RAB11A: variants seen among roughly 807,000 people sequenced by gnomAD.
RAB11A encodes ras-related protein Rab-11A.
In RAB11A, 9 loss-of-function variants were observed where a neutral mutation model predicts 28.0. That is an observed-to-expected ratio of 0.32 (90% CI 0.19 to 0.56). The LOEUF (loss-of-function observed/expected upper bound fraction) is 0.56. Ranked by LOEUF, RAB11A falls within the 20% of genes least tolerant of loss-of-function variation. RAB11A has a pLI of 0.91. For missense variants in RAB11A, 108 were observed against 269.6 expected (o/e 0.40, Z 4.20); for synonymous variants, 85 against 88.2 (o/e 0.96, Z 0.20).
intron 3 of RAB11A, 167 bp downstream of exon 3, chr15:65,878,122 A>G (rs117465320): frequency 0.015 from 11,103 of 726,272 alleles, 130 homozygotes; most frequent in Non-Finnish European, 0.021. Context: ...GCTTTGAGTC[A>G]TTAAAACACT....
At chr15:65,872,497 C>T (rs2078168312) in intron 1 of RAB11A, among the ~76,000 whole-genome samples, 1 of 149,760 alleles carries the variant, frequency 6.7e-6, no homozygotes, top group Non-Finnish European at 1.5e-5. Context: ...TGCAATGACG[C>T]GATCTCGGCT....
chr15:65,872,037 AC>A (rs1038761867), intron 1 of RAB11A, among the ~76,000 whole-genome samples: 26 of 142,232 alleles, frequency 1.8e-4, no homozygotes, highest in African/African-American at 5.6e-4. Flanking sequence ...GGCTCAGGTG[AC>A]CCCCCGACCT....
intron 4 of RAB11A, among the ~76,000 whole-genome samples, chr15:65,883,087 A>T (rs2078233066): frequency 6.6e-6 from 1 of 152,210 alleles, no homozygotes; most frequent in Non-Finnish European, 1.5e-5. Context: ...TATATTTTGT[A>T]AAAACAAGGA....
At chr15:65,873,555 A>G (rs1043540355) in intron 1 of RAB11A, among the ~76,000 whole-genome samples, 1 of 151,392 alleles carries the variant, frequency 6.6e-6, no homozygotes, top group African/African-American at 2.4e-5. Flanking sequence ...ATCTATATCT[A>G]TATATATATA....
chr15:65,869,643 C>T lies in RAB11A; in HGVS notation c.40+18C>T, dbSNP rs376773196. ...CTTTAAAGGTGAGGCCATGGGCTCT[C>T]GCACTCTACACAGTCCTCGTTCGGG... On this transcript the variant is annotated intron_variant, in intron 1 of 4. Coordinates refer to ENST00000261890, the MANE Select transcript of RAB11A (RefSeq NM_004663.5). 5 of 1,610,088 alleles carry T rather than the reference C, an allele frequency of 3.1e-6. No homozygotes were observed. The highest frequency in any genetic ancestry group is 4.2e-6 in the Non-Finnish European group (5 of 1,178,936).
chr15:65,872,128 T>C (rs2078165777), intron 1 of RAB11A, among the ~76,000 whole-genome samples: 1 of 151,530 alleles, frequency 6.6e-6, no homozygotes, highest in South Asian at 2.1e-4. Context: ...TAGTTTTTTG[T>C]TTTTTTGTAA....
At chr15:65,869,876 T>G in intron 1 of RAB11A, 1 of 359,772 alleles carries the variant, frequency 2.8e-6, no homozygotes, top group Non-Finnish European at 5.0e-6. Flanking sequence ...TGCGTGTCCT[T>G]CCCCTGGCGG....
intron 1 of RAB11A, among the ~76,000 whole-genome samples, chr15:65,875,864 C>T (rs1049707878): frequency 1.3e-5 from 2 of 152,196 alleles, no homozygotes; most frequent in African/African-American, 2.4e-5. Flanking sequence ...AAGGAATGGT[C>T]TTACTCCTTG....
At chr15:65,875,016 C>T (rs894746659) in intron 1 of RAB11A, among the ~76,000 whole-genome samples, 3 of 152,046 alleles carry the variant, frequency 2.0e-5, no homozygotes. Context: ...CCGTGGCACT[C>T]CAGCCTGGGC....
At chr15:65,873,557 A>ATC (rs2078175876) in intron 1 of RAB11A, among the ~76,000 whole-genome samples, 2 of 151,854 alleles carry the variant, frequency 1.3e-5, no homozygotes, top group African/African-American at 4.8e-5. Context: ...CTATATCTAT[A>ATC]TATATATATT....
chr15:65,871,228 T>C (rs1413818953), intron 1 of RAB11A, among the ~76,000 whole-genome samples: 3 of 152,222 alleles, frequency 2.0e-5, no homozygotes, highest in African/African-American at 7.2e-5. Context: ...ACTCTTATCA[T>C]CTCTTACTCC....
At chr15:65,874,323 A>G (rs575453427) in intron 1 of RAB11A, among the ~76,000 whole-genome samples, 1 of 150,652 alleles carries the variant, frequency 6.6e-6, no homozygotes, top group African/African-American at 2.4e-5. Flanking sequence ...GCTTACTGCA[A>G]CCTCCGCCTC....
chr15:65,871,919 GTTTTTTTTTT>G (rs960414631), intron 1 of RAB11A, among the ~76,000 whole-genome samples: 9 of 72,052 alleles, frequency 1.2e-4, no homozygotes, highest in South Asian at 5.5e-4. Flanking sequence ...GGTTTTGTCA[GTTTTTTTTTT>G]TTTTTTTTTT....
At chr15:65,876,029 A>G (rs897636096) in intron 1 of RAB11A, among the ~76,000 whole-genome samples, 1 of 152,278 alleles carries the variant, frequency 6.6e-6, no homozygotes, top group African/African-American at 2.4e-5. Context: ...TATCTAGCTC[A>G]GATTCTATAA....
chr15:65,880,291 G>T (rs1306584129), intron 4 of RAB11A, among the ~76,000 whole-genome samples: 1 of 152,184 alleles, frequency 6.6e-6, no homozygotes, highest in Non-Finnish European at 1.5e-5. Context: ...TAGTTGGAAA[G>T]AGATGGAGTT....
At chr15:65,872,213 C>G (rs1182001695) in intron 1 of RAB11A, among the ~76,000 whole-genome samples, 1 of 152,072 alleles carries the variant, frequency 6.6e-6, no homozygotes, top group African/African-American at 2.4e-5. Context: ...CTCAGCCTCC[C>G]CAAGTGCTGG....
chr15:65,887,867 T>A lies in RAB11A; in HGVS notation c.*27T>A, dbSNP rs75309307. The A allele has an allele frequency of 1.8e-4, 278 of 1,570,970 alleles. 2 individuals carry two copies. In the East Asian group the frequency reaches 6.5e-3, roughly 37 times the overall value. On this transcript the variant is annotated 3_prime_UTR_variant, in exon 5 of 5. Transcript: ENST00000261890. Reference sequence around the variant, plus strand: ...GCATTTCTCTTCTCCCCTAGAAGGCTGTGTATAGTCCATTTCCCAGGTCTG... The same window carrying A: ...GCATTTCTCTTCTCCCCTAGAAGGCAGTGTATAGTCCATTTCCCAGGTCTG...
chr15:65,880,683 G>A (rs573127253), intron 4 of RAB11A, among the ~76,000 whole-genome samples: 2 of 152,262 alleles, frequency 1.3e-5, no homozygotes, highest in South Asian at 4.1e-4. Context: ...TAAGCGTAAA[G>A]TCAAGGAGTT....
intron 1 of RAB11A, among the ~76,000 whole-genome samples, chr15:65,874,125 G>C (rs1240135509): frequency 6.6e-6 from 1 of 152,118 alleles, no homozygotes; most frequent in Non-Finnish European, 1.5e-5. Context: ...ATTTTCAATG[G>C]ATAATTAATA....
Sources: allele counts gnomAD v4.1 joint callset (sites outside exome capture counted in the v4.1 genomes callset), GRCh38; gene constraint gnomAD v4.1.1; transcripts MANE v1.5; gene names NCBI Gene and HGNC (gene_info 2026-07-23, HGNC 2026-07-21).